The following TAF5L variants were observed in gnomAD, a reference collection of about 807,000 sequenced individuals.
TAF5L encodes TATA-box binding protein associated factor 5 like.
In TAF5L, 7 loss-of-function variants were observed where a neutral mutation model predicts 51.3. The ratio of observed to expected loss-of-function variants is 0.14; its 90% CI spans 0.08 to 0.26. The LOEUF (loss-of-function observed/expected upper bound fraction) is 0.26. TAF5L is among the 10% of genes least tolerant of loss of function. TAF5L has a pLI of 1.00. For synonymous variants in TAF5L, 291 were observed against 308.1 expected (o/e 0.94, Z 0.58); for missense variants, 575 against 758.9 (o/e 0.76, Z 2.85).
rs1377518166 is a variant in TAF5L at position 229,607,765 on chromosome 1, A to AT, written c.247+2340dup. ...CTGCTTCTAAAATAGATTAATGAGT[A>AT]TATCTTACACTTTATCTTGGTGATC... On this transcript the variant is annotated intron_variant, in intron 3 of 4. Coordinates refer to ENST00000258281, the Ensembl canonical transcript of TAF5L. The AT allele has an allele frequency of 2.0e-5, 3 of 152,282 alleles. No homozygotes were observed. In the East Asian group the frequency reaches 5.8e-4, roughly 29 times the overall value. The allele number at this position is 152,282 out of a possible 1,614,324, so 9.4% of individuals were successfully genotyped here.
At chr1:229,605,261 A>G (rs538579847) in intron 3 of TAF5L, among the ~76,000 whole-genome samples, 50 of 152,214 alleles carry the variant, frequency 3.3e-4, no homozygotes, top group African/African-American at 1.2e-3. Context: ...GCCTGGCCAG[A>G]TTACTGACTC....
At chr1:229,613,938 G>T (rs1384102088) in intron 2 of TAF5L, among the ~76,000 whole-genome samples, 1 of 152,154 alleles carries the variant, frequency 6.6e-6, no homozygotes, top group Non-Finnish European at 1.5e-5. Flanking sequence ...CAACAAACCT[G>T]ACTTCTACAT....
At chr1:229,610,116 A>C (rs1273976641) in exon 3 of TAF5L, 1 of 1,614,168 alleles carries the variant, frequency 6.2e-7, no homozygotes, top group Non-Finnish European at 8.5e-7. Context: ...CAGTGAGAAA[A>C]TTCCGCAGTC....
At chr1:229,616,626 C>T (rs1257128299) in intron 1 of TAF5L, among the ~76,000 whole-genome samples, 1 of 152,170 alleles carries the variant, frequency 6.6e-6, no homozygotes, top group Non-Finnish European at 1.5e-5. Context: ...GTAGCTAACA[C>T]ACTGTCCCAA....
At position 229,594,057 on chromosome 1, in the gene TAF5L, G is replaced by A. The variant is rs1314093342; in HGVS notation, c.*240C>T. The A allele has an allele frequency of 6.3e-6, 3 of 478,526 alleles. No individual in the cohort carries two copies. Among genetic ancestry groups the A allele is most frequent in the Non-Finnish European group, 1.1e-5 (3 of 261,200 alleles). 29.6% of individuals were successfully genotyped at this position (478,526 alleles called of 1,614,324 possible). A position where few individuals can be genotyped will look rare whatever the true frequency, so the allele number is the denominator to read the frequency against. ...GCAGAGTCTCCATGAGGACTTGTGA[G>A]TGACCTCCAGGGCACTCTAATTCTT... On this transcript the variant is annotated 3_prime_UTR_variant, in exon 5 of 5. Coordinates refer to ENST00000258281, the Ensembl canonical transcript of TAF5L. This position sits in a 1 kb window ranked among gnomAD's most constrained non-coding sequence, Gnocchi z 7.9.
rs749691348 is a variant in TAF5L, at chr1:229,602,336, G to C, written c.831C>G (p.Ser277=). Residue 277 remains serine (S), a synonymous_variant, in exon 4 of 5, where the codon TCC becomes TCG. Coordinates refer to ENST00000258281, the Ensembl canonical transcript of TAF5L. The surrounding 1 kb of genome is among the most constrained non-coding windows in gnomAD (Gnocchi z 4.6). ...CAGCAGCAAGCAGCTTGCTATCGGGGGAGATTTCTGCAGTGTTCAACAGCT... is the reference window on the plus strand; with the variant it reads ...CAGCAGCAAGCAGCTTGCTATCGGGCGAGATTTCTGCAGTGTTCAACAGCT... 2.5e-6 allele frequency: 4 copies of C among 1,614,162 alleles called. No individual in the cohort carries two copies. In the African/African-American group the frequency reaches 4.0e-5, roughly 16 times the overall value.
At chr1:229,619,521 G>C (rs1380531469) in intron 1 of TAF5L, among the ~76,000 whole-genome samples, 1 of 152,172 alleles carries the variant, frequency 6.6e-6, no homozygotes, top group Non-Finnish European at 1.5e-5. Context: ...CCAGCAAACA[G>C]ATGTCATGAG....
intron 1 of TAF5L, among the ~76,000 whole-genome samples, chr1:229,624,549 G>A (rs988530115): frequency 3.9e-5 from 6 of 151,912 alleles, no homozygotes; most frequent in African/African-American, 1.5e-4. Context: ...AGGCTGAGGC[G>A]GGAGGACTGC....
rs1009300497 is a variant in TAF5L, at chr1:229,614,371, T to C, written c.112A>G (p.Thr38Ala). The change falls in exon 2 of 5, where the codon ACT (threonine) becomes GCT (alanine). Residue 38 changes from threonine (T) to alanine (A), a missense_variant. Thr to Ala is a moderately conservative substitution (Grantham distance 58, BLOSUM62 0). This residue lies in a region of TAF5L where 380 missense variants were observed against 443.7 expected (regional missense o/e 0.86). Transcript: ENST00000258281. ...AGATTGGCCGCCATCTCTTCAGCAG[T>C]CTGTGACAGCCGCAGTCCTTGCTTC... The C allele has an allele frequency of 2.5e-6, 4 of 1,614,208 alleles. No individual in the cohort carries two copies.
intron 3 of TAF5L, among the ~76,000 whole-genome samples, chr1:229,605,430 G>T (rs2891863): frequency 1.3e-5 from 2 of 151,994 alleles, no homozygotes; most frequent in African/African-American, 4.8e-5. Flanking sequence ...TATTAGGTTA[G>T]GTGGAAGTAT....
At chr1:229,611,236 T>G (rs1005601658) in intron 2 of TAF5L, among the ~76,000 whole-genome samples, 2 of 152,162 alleles carry the variant, frequency 1.3e-5, no homozygotes, top group Non-Finnish European at 2.9e-5. Flanking sequence ...ATATTCAGTA[T>G]GTAAACACAC....
intron 4 of TAF5L, chr1:229,601,818 G>A (rs1050246857): frequency 3.9e-6 from 4 of 1,021,170 alleles, no homozygotes; most frequent in African/African-American, 1.7e-5. Context: ...GAGGCCCTTC[G>A]ACTCAGTTAT....
At position 229,602,561 on chromosome 1, in the gene TAF5L, G is replaced by A. The variant is rs1664421713; in HGVS notation, c.606C>T (p.Ala202=). Residue 202 remains alanine (A), a synonymous_variant, in exon 4 of 5, where the codon GCC becomes GCT. Transcript: ENST00000258281. This position sits in a 1 kb window ranked among gnomAD's most constrained non-coding sequence, Gnocchi z 4.6. Reference sequence around the variant, plus strand: ...CATACAGCTGATAGTCTGTTCTCTTGGCAGGCTGCACGTCAAGATGAATAT... The same window carrying A: ...CATACAGCTGATAGTCTGTTCTCTTAGCAGGCTGCACGTCAAGATGAATAT... 1 of 1,614,086 alleles carries A rather than the reference G, an allele frequency of 6.2e-7. No individual in the cohort carries two copies. The highest frequency in any genetic ancestry group is 1.3e-5 in the African/African-American group (1 of 74,940).
chr1:229,618,609 C>T (rs1382237260), intron 1 of TAF5L, among the ~76,000 whole-genome samples: 1 of 152,172 alleles, frequency 6.6e-6, no homozygotes, highest in African/African-American at 2.4e-5. Context: ...GCAGGGAAAA[C>T]CACAGCCACA....
In TAF5L at chr1:229,595,099, G is replaced by A. The variant is rs367862534; in HGVS notation, c.973-5C>T. ...TGCATTATCATCCTCATCATCCTGG[G>A]AACAGTGGGGTGGGGTGGGAAAAGA... On this transcript the variant is annotated splice_polypyrimidine_tract_variant and splice_region_variant and intron_variant, in intron 4 of 4. Coordinates refer to ENST00000258281, the Ensembl canonical transcript of TAF5L. 4.7e-5 allele frequency: 74 copies of A among 1,578,458 alleles called. No homozygotes were observed. The African/African-American group carries it at 6.6e-4, about 14-fold the overall frequency.
chr1:229,599,122 T>C lies in TAF5L; in HGVS notation c.972+3073A>G, dbSNP rs928135348. On this transcript the variant is annotated intron_variant, in intron 4 of 4. Transcript: ENST00000258281. ...CAAGGTAAAAAGCAAGGGACTGCTA[T>C]GTCACTTAACACCTTTCCAAAGGTT... 15 of 354,714 alleles carry C rather than the reference T, an allele frequency of 4.2e-5. No individual in the cohort carries two copies. In the East Asian group the frequency reaches 6.6e-4, roughly 16 times the overall value. The allele number at this position is 354,714 out of a possible 1,614,324, so 22.0% of individuals were successfully genotyped here.
At chr1:229,623,258 G>C (rs915147534) in intron 1 of TAF5L, among the ~76,000 whole-genome samples, 2 of 152,232 alleles carry the variant, frequency 1.3e-5, no homozygotes, top group Non-Finnish European at 2.9e-5. Flanking sequence ...TGGGCAACAA[G>C]AGTGGAACTC....
chr1:229,609,010 GA>G (rs373360233), intron 3 of TAF5L, among the ~76,000 whole-genome samples: 62 of 152,160 alleles, frequency 4.1e-4, no homozygotes, highest in African/African-American at 1.5e-3. Context: ...TCAAAAAAAA[GA>G]AAAAGAAGCA....
intron 1 of TAF5L, among the ~76,000 whole-genome samples, chr1:229,623,124 A>T (rs1665277015): frequency 6.6e-6 from 1 of 152,150 alleles, no homozygotes; most frequent in African/African-American, 2.4e-5. Context: ...TAATACAAAA[A>T]TTAGCCAGGC....
Sources: gnomAD v4.1 joint callset for allele counts (sites outside exome capture counted in the v4.1 genomes callset) on GRCh38, gnomAD v4.1.1 for gene constraint, gnomAD v4.1.1 regional missense constraint, Gnocchi (gnomAD v3.1) non-coding constraint, MANE v1.5 for transcripts, NCBI Gene and HGNC (gene_info 2026-07-23, HGNC 2026-07-21) for gene names.